ADGRG2: variants seen among roughly 807,000 people sequenced by gnomAD.
The protein encoded by ADGRG2 is adhesion G protein-coupled receptor G2, also known as G protein-coupled receptor 64.
Under a neutral mutation model 74.1 loss-of-function variants are expected in ADGRG2, and 26 were observed. The observed-to-expected ratio is 0.35, with a 90% CI of 0.26 to 0.49. The LOEUF (loss-of-function observed/expected upper bound fraction) is 0.49, where lower values mean the gene tolerates loss of function less well. Ranked by LOEUF, ADGRG2 falls within the 20% of genes least tolerant of loss-of-function variation. ADGRG2 has a pLI of 0.99. For synonymous variants in ADGRG2, 296 were observed against 295.2 expected (o/e 1.00, Z -0.03); for missense variants, 619 against 763.1 (o/e 0.81, Z 2.22).
At chrX:19,071,469 A>C (rs1313317401) in intron 2 of ADGRG2, among the ~76,000 whole-genome samples, 1 of 112,104 alleles carries the variant, frequency 8.9e-6, no homozygotes, top group Non-Finnish European at 1.9e-5. Context: ...AGCTACACAA[A>C]ACAATCTCAG....
intron 26 of ADGRG2, among the ~76,000 whole-genome samples, 164 bp downstream of exon 26, chrX:18,998,832 G>A (rs1450435501): frequency 9.0e-6 from 1 of 111,243 alleles, no homozygotes; most frequent in Non-Finnish European, 1.9e-5. Context: ...TATGCACTGG[G>A]AAACAACAAT....
chrX:19,002,769 T>C (rs775579764), intron 24 of ADGRG2, 77 bp downstream of exon 24: 98 of 985,628 alleles, frequency 9.9e-5, no homozygotes, highest in Middle Eastern at 5.3e-4. Context: ...CTTCATCGTT[T>C]CCACCTGCTC....
At position 19,083,912 on chromosome X, in the gene ADGRG2, G is replaced by T. The variant is rs767328529; in HGVS notation, c.-46-1166C>A. 1.6e-3 allele frequency among the ~76,000 whole-genome samples: 178 copies of T among 112,280 alleles called. 1 individual carries two copies. The highest frequency in any genetic ancestry group is 2.7e-3 in the Non-Finnish European group (143 of 53,234). ...GAACCAACTGACCTACTGACAGACT[G>T]TTATAATAGCAGTTCAGTGCCCAGC... On this transcript the variant is annotated intron_variant, in intron 1 of 28. Coordinates refer to ENST00000379869, the MANE Select transcript of ADGRG2 (RefSeq NM_001079858.3).
Position 19,028,195 on chromosome X carries a change from G to A in ADGRG2, c.402C>T (p.Ser134=). ...GEIMFQYDKE[S]TVPQNQHITN... ...CTTTAAAACTTACCTGGGGAACAGT[G>A]CTTTCTTTATCATATTGAAACATGA... Residue 134 remains serine, a synonymous_variant, in exon 10 of 29, where the codon AGC becomes AGT. Coordinates refer to ENST00000379869, the MANE Select transcript of ADGRG2 (RefSeq NM_001079858.3). 2.8e-6 allele frequency: 3 copies of A among 1,082,327 alleles called. No individual in the cohort carries two copies. The highest frequency in any genetic ancestry group is 3.8e-6 in the Non-Finnish European group (3 of 786,240). 89.2% of individuals were successfully genotyped at this position (1,082,327 alleles called of 1,213,427 possible).
Position 19,028,963 on chromosome X carries a change from G to A in ADGRG2, c.359-725C>T, listed in dbSNP as rs551294612. On this transcript the variant is annotated intron_variant, in intron 9 of 28. Coordinates refer to ENST00000379869, the MANE Select transcript of ADGRG2 (RefSeq NM_001079858.3). ...GCATGAAAGCAGCCATAGGCAATAC[G>A]TAAATGAACAGGCATGGGCTGTGTT... Among the ~76,000 whole-genome samples, 21 of 112,137 alleles carry A rather than the reference G, an allele frequency of 1.9e-4. 1 individual carries two copies. In the South Asian group the frequency reaches 3.7e-3, roughly 20 times the overall value.
At chrX:19,067,538 T>A (rs1352542012) in intron 3 of ADGRG2, among the ~76,000 whole-genome samples, 1 of 111,964 alleles carries the variant, frequency 8.9e-6, no homozygotes, top group Non-Finnish European at 1.9e-5. Context: ...AACTATAAAA[T>A]TCTTGGAAGA....
chrX:19,087,453 T>C (rs1319655941), intron 1 of ADGRG2, among the ~76,000 whole-genome samples: 1 of 111,615 alleles, frequency 9.0e-6, no homozygotes, highest in Non-Finnish European at 1.9e-5. Flanking sequence ...GGGAAATGGA[T>C]CCAGGAAAAT....
At chrX:19,107,891 G>A (rs1382024114) in intron 1 of ADGRG2, among the ~76,000 whole-genome samples, 9 of 105,583 alleles carry the variant, frequency 8.5e-5, no homozygotes, top group African/African-American at 3.1e-4. Flanking sequence ...ACAAAGTCAG[G>A]AGATCGAGAC....
intron 1 of ADGRG2, among the ~76,000 whole-genome samples, chrX:19,087,931 C>T (rs1217901436): frequency 4.5e-5 from 5 of 110,734 alleles, no homozygotes; most frequent in Non-Finnish European, 9.5e-5. Context: ...ACGTGTATTC[C>T]GGGGGCTAGA....
chrX:19,078,696 C>A (rs556937283), intron 2 of ADGRG2, among the ~76,000 whole-genome samples: 2 of 108,393 alleles, frequency 1.8e-5, no homozygotes, highest in Admixed American at 1.0e-4. Context: ...AAGAGAAAGG[C>A]TTAAAATTAA....
rs181402111 is a variant in ADGRG2 at position 19,038,916 on chromosome X, G to A, written c.154+1273C>T. On this transcript the variant is annotated intron_variant, in intron 4 of 28. Coordinates refer to ENST00000379869, the MANE Select transcript of ADGRG2 (RefSeq NM_001079858.3). ...GTGCCCTAGAAGCTTAACAACTAGG[G>A]GGCAAATTGGCGAGATCAAAAGAGC... 1.8e-4 allele frequency among the ~76,000 whole-genome samples: 20 copies of A among 111,929 alleles called. No individual in the cohort carries two copies. The East Asian group carries it at 5.3e-3, about 30-fold the overall frequency.
In ADGRG2 at chrX:18,999,908, A is replaced by T; in HGVS notation, c.2283T>A (p.Tyr761Ter). ...GGAATTTCCCATAGGATCCAAGCCC[A>T]TAGTTATCTGGGGATATAGTCAGGA... Reference protein sequence around the residue: ...TIILTISPDNYGLGSYGKFPN... With the variant: ...TIILTISPDN Residue 761 changes from tyrosine to a stop codon, truncating the protein, a stop_gained, in exon 25 of 29, where the codon TAT becomes TAA. Coordinates refer to ENST00000379869, the MANE Select transcript of ADGRG2 (RefSeq NM_001079858.3). LOFTEE classifies it high-confidence loss of function. The T allele has an allele frequency of 2.5e-6, 3 of 1,199,931 alleles. No homozygotes were observed. Among genetic ancestry groups the T allele is most frequent in the Non-Finnish European group, 3.4e-6 (3 of 885,037 alleles).
At chrX:19,090,785 T>C (rs1056857977) in intron 1 of ADGRG2, among the ~76,000 whole-genome samples, 1 of 111,631 alleles carries the variant, frequency 9.0e-6, no homozygotes, top group Non-Finnish European at 1.9e-5. Context: ...ATGATGTTAA[T>C]GTTTAGAAAG....
At chrX:19,075,391 T>C (rs2061728680) in intron 2 of ADGRG2, among the ~76,000 whole-genome samples, 1 of 109,648 alleles carries the variant, frequency 9.1e-6, no homozygotes, top group Non-Finnish European at 1.9e-5. Context: ...CCGAGGCGGA[T>C]GGATCACTTG....
chrX:19,025,802 C>G (rs1379938683), intron 11 of ADGRG2, among the ~76,000 whole-genome samples: 1 of 109,388 alleles, frequency 9.1e-6, no homozygotes, highest in African/African-American at 3.3e-5. Context: ...GGCTGAGGCA[C>G]GAGAACTGCT....
At chrX:19,108,660 G>A (rs988610472) in intron 1 of ADGRG2, among the ~76,000 whole-genome samples, 2 of 111,759 alleles carry the variant, frequency 1.8e-5, no homozygotes, top group Admixed American at 1.9e-4. Flanking sequence ...CAGAAGTCAG[G>A]TAGCCTGTCT....
In ADGRG2 at chrX:19,002,862, G is replaced by T; in HGVS notation, c.2214C>A (p.Phe738Leu). 1.7e-6 allele frequency: 2 copies of T among 1,209,527 alleles called. No individual in the cohort carries two copies. The highest frequency in any genetic ancestry group is 3.5e-5 in the South Asian group (2 of 56,918). The change falls in exon 24 of 29, where the codon TTC (phenylalanine) becomes TTA (leucine). Residue 738 changes from phenylalanine to leucine, a missense_variant. Transcript: ENST00000379869. ...NTYIRKYILK[F>L]CIVGWGVPAV... ...TATACATACCCCAACCGACAATGCA[G>T]AATTTAAGGATGTATTTTCGGATGT...
chrX:19,031,601 A>G (rs1322233668), intron 8 of ADGRG2: 2 of 112,819 alleles, frequency 1.8e-5, no homozygotes, highest in Non-Finnish European at 3.7e-5. Flanking sequence ...CTCAAGGAGC[A>G]TACAATCTAG....
At chrX:18,995,666 T>C (rs909981689) in intron 27 of ADGRG2, among the ~76,000 whole-genome samples, 3 of 112,200 alleles carry the variant, frequency 2.7e-5, no homozygotes, top group African/African-American at 6.5e-5. Context: ...TACTAACAAA[T>C]AAAGCAACTG....
Sources: allele counts gnomAD v4.1 joint callset (sites outside exome capture counted in the v4.1 genomes callset), GRCh38; gene constraint gnomAD v4.1.1; transcripts MANE v1.5; gene names NCBI Gene and HGNC (gene_info 2026-07-23, HGNC 2026-07-21).